COL25A1: variants seen among roughly 807,000 people sequenced by gnomAD.
The protein encoded by COL25A1 is collagen type XXV alpha 1 chain, also known as collagen alpha-1(XXV) chain.
Under a neutral mutation model 128.4 loss-of-function variants are expected in COL25A1, and 103 were observed. The observed-to-expected ratio is 0.80, with a 90% CI of 0.68 to 0.94. The LOEUF (loss-of-function observed/expected upper bound fraction) is 0.94. COL25A1 is among the 40% of genes least tolerant of loss of function. The probability of loss-of-function intolerance (pLI) is 0.00; values close to 1 mark genes in which losing one functional copy is unlikely to be tolerated. For missense variants in COL25A1, 745 were observed against 840.0 expected (o/e 0.89, Z 1.40); for synonymous variants, 279 against 277.2 (o/e 1.01, Z -0.06).
intron 3 of COL25A1, among the ~76,000 whole-genome samples, chr4:109,176,100 T>C (rs187370510): frequency 1.3e-5 from 2 of 152,270 alleles, no homozygotes; most frequent in Admixed American, 1.3e-4. Flanking sequence ...AGATAAACTA[T>C]ACAATCCCTG....
At position 108,845,264 on chromosome 4, in the gene COL25A1, ATTAAGCAGAG is replaced by A; in HGVS notation, c.1516-23_1516-14del. On this transcript the variant is annotated splice_polypyrimidine_tract_variant and intron_variant, in intron 28 of 37. Coordinates refer to ENST00000399132, the MANE Select transcript of COL25A1 (RefSeq NM_198721.4). Reference sequence around the variant, plus strand: ...TTCCATTGGCTCCCTATAAATAACCATTAAGCAGAGTTAAGCAGGTAAAGTTATTTCCAGT... The same window carrying A: ...TTCCATTGGCTCCCTATAAATAACCATTAAGCAGGTAAAGTTATTTCCAGT... 2 of 1,609,044 alleles carry A rather than the reference ATTAAGCAGAG, an allele frequency of 1.2e-6. No homozygotes were observed. Among genetic ancestry groups the A allele is most frequent in the East Asian group, 4.5e-5 (2 of 44,868 alleles).
intron 3 of COL25A1, among the ~76,000 whole-genome samples, chr4:109,233,818 A>G (rs1266356682): frequency 6.6e-6 from 1 of 152,108 alleles, no homozygotes; most frequent in East Asian, 1.9e-4. Flanking sequence ...TACATAATGT[A>G]CCATACTTAA....
chr4:109,074,451 C>T (rs1291480965), intron 3 of COL25A1, among the ~76,000 whole-genome samples: 2 of 152,212 alleles, frequency 1.3e-5, no homozygotes, highest in East Asian at 1.9e-4. Flanking sequence ...TAAGCAACTA[C>T]TCTTAAAAAT....
At chr4:108,878,391 T>C (rs1392682632) in intron 19 of COL25A1, among the ~76,000 whole-genome samples, 5 of 152,022 alleles carry the variant, frequency 3.3e-5, no homozygotes, top group African/African-American at 7.3e-5. Flanking sequence ...GCCAAAAGCA[T>C]CACCAATAAT....
chr4:109,117,695 T>C (rs1767735857), intron 3 of COL25A1, among the ~76,000 whole-genome samples: 1 of 152,012 alleles, frequency 6.6e-6, no homozygotes, highest in African/African-American at 2.4e-5. Context: ...TCATGTGTAT[T>C]ATATATATGC....
chr4:108,983,923 G>A (rs989961574), intron 6 of COL25A1, among the ~76,000 whole-genome samples: 3 of 152,092 alleles, frequency 2.0e-5, no homozygotes, highest in Non-Finnish European at 4.4e-5. Context: ...AGTGTGGAAG[G>A]GGACCCAAGC....
At chr4:109,088,513 C>T (rs1376402535) in intron 3 of COL25A1, among the ~76,000 whole-genome samples, 3 of 152,118 alleles carry the variant, frequency 2.0e-5, no homozygotes, top group African/African-American at 7.2e-5. Context: ...CTGCCTCCAC[C>T]ATGAATCTAT....
In COL25A1 at chr4:108,813,719, T is replaced by C; in HGVS notation, c.*208A>G. The stretch of plus-strand genomic sequence containing the variant: ...TAAGATAAGGAGATACTGATCTATA[T>C]TTTTTGCAGGATTCTCACTGGTTTC... On this transcript the variant is annotated 3_prime_UTR_variant, in exon 38 of 38. Coordinates refer to ENST00000399132, the MANE Select transcript of COL25A1 (RefSeq NM_198721.4). 1 of 528,904 alleles carries C rather than the reference T, an allele frequency of 1.9e-6. No individual in the cohort carries two copies. The highest frequency in any genetic ancestry group is 3.0e-5 in the South Asian group (1 of 33,366). The allele number at this position is 528,904 out of a possible 1,614,324, so 32.8% of individuals were successfully genotyped here. A position where few individuals can be genotyped will look rare whatever the true frequency, so the allele number is the denominator to read the frequency against.
chr4:109,165,223 C>G (rs1208504182), intron 3 of COL25A1, among the ~76,000 whole-genome samples: 1 of 151,922 alleles, frequency 6.6e-6, no homozygotes, highest in Non-Finnish European at 1.5e-5. Flanking sequence ...AGTTTTATAG[C>G]TTTCAAGCAG....
At chr4:108,888,997 C>CT (rs1741138623) in intron 18 of COL25A1, among the ~76,000 whole-genome samples, 1 of 152,194 alleles carries the variant, frequency 6.6e-6, no homozygotes, top group Admixed American at 6.5e-5. Context: ...TATATGCAGA[C>CT]TTTTATTTCA....
Position 109,302,233 on chromosome 4 carries a change from G to C in COL25A1, c.-121C>G, listed in dbSNP as rs1725630026. ...ATCCCCGCTTTCTTCTCTCCTCCCA[G>C]CTGGAAGTGAAAAGCACCCTCCGTC... On this transcript the variant is annotated 5_prime_UTR_variant, in exon 1 of 38. Transcript: ENST00000399132. 1.7e-6 allele frequency: 1 copy of C among 597,294 alleles called. No individual in the cohort carries two copies. Among genetic ancestry groups the C allele is most frequent in the Non-Finnish European group, 2.7e-6 (1 of 364,492 alleles). The allele number at this position is 597,294 out of a possible 1,614,324, so 37.0% of individuals were successfully genotyped here. A position where few individuals can be genotyped will look rare whatever the true frequency, so the allele number is the denominator to read the frequency against.
At chr4:109,126,731 A>G (rs555275190) in intron 3 of COL25A1, among the ~76,000 whole-genome samples, 3 of 152,114 alleles carry the variant, frequency 2.0e-5, no homozygotes, top group African/African-American at 7.2e-5. Context: ...TCCCTTTTAC[A>G]TTCTTATTTT....
intron 3 of COL25A1, among the ~76,000 whole-genome samples, chr4:109,054,105 G>A (rs1378583782): frequency 6.6e-6 from 1 of 152,174 alleles, no homozygotes; most frequent in Admixed American, 6.5e-5. Flanking sequence ...ATAAACATTA[G>A]CTCCCACTTT....
intron 35 of COL25A1, among the ~76,000 whole-genome samples, chr4:108,820,235 A>AAGCC (rs1731640784): frequency 6.6e-6 from 1 of 152,188 alleles, no homozygotes; most frequent in Non-Finnish European, 1.5e-5. Flanking sequence ...AAAACCATTG[A>AAGCC]AGCCAGCCAG....
At chr4:108,911,974 G>A (rs1045096394) in intron 13 of COL25A1, among the ~76,000 whole-genome samples, 23 of 151,798 alleles carry the variant, frequency 1.5e-4, no homozygotes, top group Non-Finnish European at 3.4e-4. Context: ...AAATAAAGTC[G>A]GGAGAAAGTG....
At chr4:109,284,713 A>G (rs1024954189) in intron 3 of COL25A1, among the ~76,000 whole-genome samples, 2 of 152,148 alleles carry the variant, frequency 1.3e-5, no homozygotes, top group Non-Finnish European at 2.9e-5. Flanking sequence ...GAAGCTGGAA[A>G]TTTATTGAAA....
chr4:108,989,241 A>G (rs1419158787), intron 6 of COL25A1, among the ~76,000 whole-genome samples: 1 of 152,226 alleles, frequency 6.6e-6, no homozygotes, highest in Non-Finnish European at 1.5e-5. Flanking sequence ...CTGGATTTCA[A>G]ACTGTGCCTG....
intron 3 of COL25A1, among the ~76,000 whole-genome samples, chr4:109,073,523 T>C (rs1763154561): frequency 6.7e-6 from 1 of 149,096 alleles, no homozygotes; most frequent in Non-Finnish European, 1.5e-5. Context: ...GGCTTAATAA[T>C]ATAACATTTC....
At chr4:109,251,356 T>C (rs1780632778) in intron 3 of COL25A1, among the ~76,000 whole-genome samples, 1 of 152,202 alleles carries the variant, frequency 6.6e-6, no homozygotes, top group African/African-American at 2.4e-5. Flanking sequence ...GACTTAAACC[T>C]TCATTCCTGA....
Sources: gnomAD v4.1 joint callset for allele counts (sites outside exome capture counted in the v4.1 genomes callset) on GRCh38, gnomAD v4.1.1 for gene constraint, MANE v1.5 for transcripts, NCBI Gene and HGNC (gene_info 2026-07-23, HGNC 2026-07-21) for gene names.